Variants in YEATS4 observed in about 807,000 individuals in gnomAD.
YEATS4 encodes the protein YEATS domain containing 4, also known as YEATS domain-containing protein 4.
In YEATS4, 17 loss-of-function variants were observed where a neutral mutation model predicts 30.1. That is an observed-to-expected ratio of 0.56 (90% CI 0.39 to 0.85). YEATS4 has a LOEUF of 0.85. YEATS4 is among the 40% of genes least tolerant of loss of function. The pLI is 0.00. For synonymous variants in YEATS4, 85 were observed against 87.5 expected, an observed-to-expected ratio of 0.97 and a Z score of 0.16; for missense variants, 142 against 268.3, an observed-to-expected ratio of 0.53 and a Z score of 3.29.
chr12:69,365,486 G>T (rs2120913254), intron 2 of YEATS4, 147 bp from the exon 3 acceptor site: 1 of 612,946 alleles, frequency 1.6e-6, no homozygotes, highest in Non-Finnish European at 2.8e-6. Context: ...AACTTCCCAG[G>T]TGTAGTTCAT....
At chr12:69,375,362 G>A (rs575273506) in intron 6 of YEATS4, among the ~76,000 whole-genome samples, 88 of 151,046 alleles carry the variant, frequency 5.8e-4, no homozygotes, top group African/African-American at 1.8e-3. Flanking sequence ...GGACAGAGAC[G>A]CTCCTCACTT....
At chr12:69,394,709 G>A (rs778174502), downstream of YEATS4, among the ~76,000 whole-genome samples, 70 of 152,180 alleles carry the variant, frequency 4.6e-4, no homozygotes, top group Non-Finnish European at 6.3e-4. Context: ...TCTGGCTCAG[G>A]TGATCCTCCC....
intron 6 of YEATS4, among the ~76,000 whole-genome samples, chr12:69,381,395 G>C (rs1014910699): frequency 6.6e-6 from 1 of 152,196 alleles, no homozygotes; most frequent in African/African-American, 2.4e-5. Context: ...ACCAATTGCT[G>C]TTATCCTGTT....
At chr12:69,388,199 T>C (rs2121071823) in intron 6 of YEATS4, among the ~76,000 whole-genome samples, 1 of 152,342 alleles carries the variant, frequency 6.6e-6, no homozygotes, top group East Asian at 1.9e-4. Context: ...TAGCTGGGAC[T>C]ACAAGTGCTC....
intron 6 of YEATS4, among the ~76,000 whole-genome samples, chr12:69,383,496 A>C (rs138081621): frequency 2.6e-3 from 391 of 152,348 alleles, no homozygotes; most frequent in Admixed American, 6.0e-3. Context: ...GGGCACTCCA[A>C]AATTTAAAGA....
chr12:69,361,013 C>G (rs1727383870), intron 1 of YEATS4, among the ~76,000 whole-genome samples: 2 of 151,378 alleles, frequency 1.3e-5, no homozygotes, highest in African/African-American at 2.4e-5. Flanking sequence ...GGCTGGTCAA[C>G]ATGGTGAAAC....
At chr12:69,390,999 A>C (rs185488634), downstream of YEATS4, among the ~76,000 whole-genome samples, 1 of 152,240 alleles carries the variant, frequency 6.6e-6, no homozygotes, top group East Asian at 1.9e-4. Context: ...ATACAAATAT[A>C]TTAATTCTTA....
Position 69,375,013 on chromosome 12 carries a change from C to CG in YEATS4, c.514+4038_514+4039insG, listed in dbSNP as rs1875796859. ...GCGGCGGCCGGGCGGGGGCTGCCCC[C>CG]ACCTCCCGGACGGGGCAGCTGGCCG... On this transcript the variant is annotated intron_variant, in intron 6 of 6. Coordinates refer to ENST00000247843, the MANE Select transcript of YEATS4 (RefSeq NM_006530.4). Among the ~76,000 whole-genome samples the CG allele has an allele frequency of 2.0e-5, 3 of 149,428 alleles. No homozygotes were observed. The South Asian group carries it at 6.4e-4, about 32-fold the overall frequency.
intron 1 of YEATS4, among the ~76,000 whole-genome samples, chr12:69,360,969 G>C (rs1482433037): frequency 1.3e-5 from 2 of 151,842 alleles, no homozygotes; most frequent in East Asian, 4.0e-4. Context: ...AGGCCGAGGA[G>C]GGTGGATCAC....
intron 6 of YEATS4, among the ~76,000 whole-genome samples, chr12:69,385,303 T>C (rs917365308): frequency 1.4e-5 from 2 of 144,324 alleles, no homozygotes; most frequent in African/African-American, 5.1e-5. Flanking sequence ...GAGTAAACTT[T>C]GCACTCTCAT....
At chr12:69,424,286 C>T in the YEATS4 span, among the ~76,000 whole-genome samples, 411 of 152,168 alleles carry the variant, frequency 2.7e-3, 15 homozygotes, top group East Asian at 0.068. Flanking sequence ...ATTGAGGGAG[C>T]GAAAGATCCT....
the YEATS4 span, among the ~76,000 whole-genome samples, chr12:69,419,159 A>G: frequency 6.8e-6 from 1 of 148,116 alleles, no homozygotes; most frequent in Non-Finnish European, 1.5e-5. Context: ...GTCATCCTCC[A>G]TGAATAAATT....
chr12:69,393,257 A>G (rs987975694), downstream of YEATS4, among the ~76,000 whole-genome samples: 2 of 152,160 alleles, frequency 1.3e-5, no homozygotes, highest in Non-Finnish European at 1.5e-5. Flanking sequence ...CCTAGGTCAC[A>G]TAGTGAGACC....
At position 69,375,684 on chromosome 12, in the gene YEATS4, C is replaced by T. The variant is rs370386819; in HGVS notation, c.514+4709C>T. On this transcript the variant is annotated intron_variant, in intron 6 of 6. Transcript: ENST00000247843. ...GGGAGGCCAAGGCTGGCAGATCACT[C>T]GCGGTCAGGAGCTGGAGACCAGCCC... Among the ~76,000 whole-genome samples, 21 of 152,134 alleles carry T rather than the reference C, an allele frequency of 1.4e-4. 1 individual carries two copies. The highest frequency in any genetic ancestry group is 3.2e-3 in the Middle Eastern group (1 of 316).
At chr12:69,386,328 T>C (rs1868250759) in intron 6 of YEATS4, among the ~76,000 whole-genome samples, 1 of 152,148 alleles carries the variant, frequency 6.6e-6, no homozygotes. Context: ...GTTAATCAGG[T>C]CTCCCTGGCT....
At chr12:69,403,576 CAAA>C in the YEATS4 span, among the ~76,000 whole-genome samples, 5 of 87,104 alleles carry the variant, frequency 5.7e-5, no homozygotes, top group Non-Finnish European at 7.1e-5. Context: ...GACTCTGTCT[CAAA>C]AAAAAAAAAA....
rs1342634645 is a variant in YEATS4, at chr12:69,375,792, C to T, written c.514+4817C>T. Among the ~76,000 whole-genome samples, 5 of 152,004 alleles carry T rather than the reference C, an allele frequency of 3.3e-5. No individual in the cohort carries two copies. The East Asian group carries it at 9.7e-4, about 29-fold the overall frequency. ...TGGTGCGCGCCTGCAATCCCAGGCA[C>T]TCGGCAGGCTGAGGCAGGAGAATCA... On this transcript the variant is annotated intron_variant, in intron 6 of 6. Transcript: ENST00000247843.
At chr12:69,426,989 A>G in the YEATS4 span, among the ~76,000 whole-genome samples, 16 of 152,216 alleles carry the variant, frequency 1.1e-4, no homozygotes, top group Admixed American at 6.5e-5. Context: ...TGGAATAATA[A>G]TTGAAAGAAA....
At chr12:69,426,459 C>T in the YEATS4 span, among the ~76,000 whole-genome samples, 1 of 152,150 alleles carries the variant, frequency 6.6e-6, no homozygotes, top group Non-Finnish European at 1.5e-5. Context: ...CAACCTCTGC[C>T]TCCCGGGTTC....
Sources: gnomAD v4.1 joint callset for allele counts (sites outside exome capture counted in the v4.1 genomes callset) on GRCh38, gnomAD v4.1.1 for gene constraint, MANE v1.5 for transcripts, NCBI Gene and HGNC (gene_info 2026-07-23, HGNC 2026-07-21) for gene names.